Variants in ZNF318 observed in about 807,000 individuals in gnomAD.
ZNF318 encodes zinc finger protein 318, also known as endocrine regulator.
A neutral mutation model predicts 124.2 loss-of-function variants in ZNF318; 51 were observed. The ratio of observed to expected loss-of-function variants is 0.41; its 90% CI spans 0.33 to 0.52. ZNF318 has a LOEUF of 0.52. Among genes scored for constraint, ZNF318 ranks in the 20% least tolerant of loss-of-function variants. The probability of loss-of-function intolerance (pLI) is 0.23; values close to 1 mark genes in which losing one functional copy is unlikely to be tolerated. For missense variants in ZNF318, 2,815 were observed against 2,811.2 expected (o/e 1.00, Z -0.03); for synonymous variants, 1,090 against 1,040.7 (o/e 1.05, Z -0.91).
At chr6:43,350,823 T>G (rs1198024528) in intron 5 of ZNF318, among the ~76,000 whole-genome samples, 2 of 152,074 alleles carry the variant, frequency 1.3e-5, no homozygotes, top group African/African-American at 4.8e-5. Flanking sequence ...CAAAAAAAAT[T>G]TTTAAATAAC....
chr6:43,347,159 G>A (rs1203323037), intron 6 of ZNF318, among the ~76,000 whole-genome samples: 1 of 152,102 alleles, frequency 6.6e-6, no homozygotes, highest in African/African-American at 2.4e-5. Context: ...CGATTTGCAT[G>A]GTAAAGAAAG....
intron 2 of ZNF318, among the ~76,000 whole-genome samples, chr6:43,361,032 C>T (rs779886540): frequency 2.6e-5 from 4 of 151,952 alleles, no homozygotes; most frequent in Non-Finnish European, 4.4e-5. Flanking sequence ...TCTGAATATG[C>T]GAAAAATCAC....
In ZNF318 at chr6:43,354,745, G is replaced by C. The variant is rs754752522; in HGVS notation, c.2589C>G (p.Val863=). 2 of 1,614,128 alleles carry C rather than the reference G, an allele frequency of 1.2e-6. No individual in the cohort carries two copies. Among genetic ancestry groups the C allele is most frequent in the Non-Finnish European group, 1.7e-6 (2 of 1,180,018 alleles). ...RGSIPAAQVP[V]QVSIPSLIRY... ...TTATGAGTGATGGAATGGACACCTG[G>C]ACAGGCACTTGGGCCGCAGGAATTG... is the stretch of plus-strand genomic sequence containing the variant. The change falls in exon 4 of 10, where the codon GTC becomes GTG. Residue 863 remains valine, a synonymous_variant. Coordinates refer to ENST00000361428, the MANE Select transcript of ZNF318 (RefSeq NM_014345.3).
At chr6:43,341,843 A>T (rs1164083166) in intron 8 of ZNF318, among the ~76,000 whole-genome samples, 1 of 152,220 alleles carries the variant, frequency 6.6e-6, no homozygotes, top group African/African-American at 2.4e-5. Context: ...CCATAAGCCA[A>T]TGACAAAGAC....
At position 43,338,788 on chromosome 6, in the gene ZNF318, T is replaced by A. The variant is rs143947472; in HGVS notation, c.5210A>T (p.Asp1737Val). Residue 1737 changes from aspartate (D) to valine (V), a missense_variant, in exon 10 of 10, where the codon GAT (aspartate) becomes GTT (valine). By Grantham distance (152) the Asp-to-Val change is radical (BLOSUM62 -3). Around this residue, in one of 4 missense-constraint regions of ZNF318, gnomAD observed 927 missense variants for 820.6 expected, o/e 1.13. Transcript: ENST00000361428. ...PGVEPPPQLL[D>V]IQCKESQKLV... ...CTTCTGAGATTCTTTGCACTGTATATCTAACAGTTGAGGAGGTGGTTCTAC... is the reference window on the plus strand; with the variant it reads ...CTTCTGAGATTCTTTGCACTGTATAACTAACAGTTGAGGAGGTGGTTCTAC... 1.2e-5 allele frequency: 20 copies of A among 1,614,110 alleles called. No homozygotes were observed. Among genetic ancestry groups the A allele is most frequent in the Non-Finnish European group, 1.6e-5 (19 of 1,180,018 alleles).
chr6:43,355,895 A>G lies in ZNF318; in HGVS notation c.1439T>C (p.Leu480Ser), dbSNP rs1222942810. Residue 480 changes from leucine to serine, a missense_variant, in exon 4 of 10, where the codon TTG (leucine) becomes TCG (serine). Transcript: ENST00000361428. ...FGSFLCHKDN[L>S]DLKAEGPERH... Reference sequence around the variant, plus strand: ...CTCAGGTCCCTCAGCCTTCAAATCCAAATTATCCTTGTGGCATAGAAAACT... The same window carrying G: ...CTCAGGTCCCTCAGCCTTCAAATCCGAATTATCCTTGTGGCATAGAAAACT... The G allele has an allele frequency of 1.2e-6, 2 of 1,614,106 alleles. No individual in the cohort carries two copies. The highest frequency in any genetic ancestry group is 2.7e-5 in the African/African-American group (2 of 74,932).
In ZNF318 at chr6:43,346,236, A is replaced by G. The variant is rs183652379; in HGVS notation, c.3072+2088T>C. Among the ~76,000 whole-genome samples the G allele has an allele frequency of 4.7e-3, 702 of 149,920 alleles. 5 individuals are homozygous for G. Among genetic ancestry groups the G allele is most frequent in the African/African-American group, 0.016 (665 of 40,904 alleles). On this transcript the variant is annotated intron_variant, in intron 6 of 9. Coordinates refer to ENST00000361428, the MANE Select transcript of ZNF318 (RefSeq NM_014345.3). Reference sequence around the variant, plus strand: ...GCTGGGCAGGGTGGTTCACGCCTGTAATCCTAGCCCTTTGGGAGGCCGGAT... The same window carrying G: ...GCTGGGCAGGGTGGTTCACGCCTGTGATCCTAGCCCTTTGGGAGGCCGGAT...
At position 43,352,612 on chromosome 6, in the gene ZNF318, T is replaced by C. The variant is rs1383485108; in HGVS notation, c.2671-136A>G. 7.0e-6 allele frequency: 5 copies of C among 714,766 alleles called. No individual in the cohort carries two copies. The Admixed American group carries it at 8.1e-5, about 12-fold the overall frequency. The allele number at this position is 714,766 out of a possible 1,614,324, so 44.3% of individuals were successfully genotyped here. The stretch of plus-strand genomic sequence containing the variant: ...GCCTGCACACAGGCTCTGACCTTAC[T>C]GTCAAAGTAATATTTCGTTCTAAGT... On this transcript the variant is annotated intron_variant, in intron 4 of 9. Coordinates refer to ENST00000361428, the MANE Select transcript of ZNF318 (RefSeq NM_014345.3).
At position 43,355,007 on chromosome 6, in the gene ZNF318, G is replaced by A. The variant is rs138295718; in HGVS notation, c.2327C>T (p.Pro776Leu). 9.8e-4 allele frequency: 1,586 copies of A among 1,612,138 alleles called. 1 individual carries two copies. Among genetic ancestry groups the A allele is most frequent in the Non-Finnish European group, 1.2e-3 (1,385 of 1,178,890 alleles). Residue 776 changes from proline (P) to leucine (L), a missense_variant, in exon 4 of 10, where the codon CCG becomes CTG. Transcript: ENST00000361428. ...ASQFAAARIP[P>L]NYQGPAIPPA... is the part of the protein sequence containing the mutation. ...GGGAATGGCAGGTCCCTGGTAGTTC[G>A]GAGGTATCCGAGCTGCAGCAAACTG...
Position 43,348,444 on chromosome 6 carries a change from G to A in ZNF318, c.2952C>T (p.Ile984=), listed in dbSNP as rs748185425. The A allele has an allele frequency of 3.7e-6, 6 of 1,614,122 alleles. No homozygotes were observed. The Admixed American group carries it at 1.0e-4, about 27-fold the overall frequency. Reference sequence around the variant, plus strand: ...TTAAAGACTTCTGGGATTTATCGAAGATGTTAATTCCCAAGATCTGAGCCA... The same window carrying A: ...TTAAAGACTTCTGGGATTTATCGAAAATGTTAATTCCCAAGATCTGAGCCA... ...DKVAQILGIN[I]FDKSQKSLSD... is the part of the protein sequence containing the mutation. Residue 984 remains isoleucine, a synonymous_variant, in exon 6 of 10, where the codon ATC becomes ATT. Transcript: ENST00000361428.
rs1416145784 is a variant in ZNF318, at chr6:43,339,763, C to A, written c.4235G>T (p.Gly1412Val). ...PPDIISKAFG[G>V]EEVILKGSPE... ...AGACCCTTTTAGAATCACCTCTTCC[C>A]CTCCAAATGCTTTGGAGATGATGTC... The change falls in exon 10 of 10, where the codon GGG becomes GTG. Residue 1412 changes from glycine (G) to valine (V), a missense_variant. By Grantham distance (109) the Gly-to-Val change is moderately radical. Coordinates refer to ENST00000361428, the MANE Select transcript of ZNF318 (RefSeq NM_014345.3). This position sits in a 1 kb window ranked among gnomAD's most constrained non-coding sequence, Gnocchi z 4.2. 1 of 1,614,044 alleles carries A rather than the reference C, an allele frequency of 6.2e-7. No individual in the cohort carries two copies. Among genetic ancestry groups the A allele is most frequent in the Non-Finnish European group, 8.5e-7 (1 of 1,180,024 alleles).
chr6:43,357,421 T>C lies in ZNF318; in HGVS notation c.893A>G (p.Asn298Ser), dbSNP rs771358532. 4.3e-6 allele frequency: 7 copies of C among 1,614,050 alleles called. No individual in the cohort carries two copies. In the East Asian group the frequency reaches 1.6e-4, roughly 36 times the overall value. Residue 298 changes from asparagine (N) to serine (S), a missense_variant, in exon 3 of 10, where the codon AAC becomes AGC. Coordinates refer to ENST00000361428, the MANE Select transcript of ZNF318 (RefSeq NM_014345.3). ...TGGGCTTCTTCTACGCTGTCGATAGTTGCGAGTTCCTGATGTAAAACTTGG... is the reference window on the plus strand; with the variant it reads ...TGGGCTTCTTCTACGCTGTCGATAGCTGCGAGTTCCTGATGTAAAACTTGG... Reference protein sequence around the residue: ...DHPSFTSGTRNYRQRRRSPSP... With the variant: ...DHPSFTSGTRSYRQRRRSPSP...
At position 43,355,904 on chromosome 6, in the gene ZNF318, T is replaced by C. The variant is rs758664654; in HGVS notation, c.1430A>G (p.Lys477Arg). 10 of 1,614,222 alleles carry C rather than the reference T, an allele frequency of 6.2e-6. No individual in the cohort carries two copies. In the Admixed American group the frequency reaches 8.3e-5, roughly 13 times the overall value. ...REKFGSFLCH[K>R]DNLDLKAEGP... ...CTCAGCCTTCAAATCCAAATTATCCTTGTGGCATAGAAAACTTCCAAATTT... is the reference window on the plus strand; with the variant it reads ...CTCAGCCTTCAAATCCAAATTATCCCTGTGGCATAGAAAACTTCCAAATTT... The change falls in exon 4 of 10, where the codon AAG (lysine) becomes AGG (arginine). Residue 477 changes from lysine (K) to arginine (R), a missense_variant. Around this residue, in one of 4 missense-constraint regions of ZNF318, gnomAD observed 1,377 missense variants for 1,353.5 expected, o/e 1.02. Coordinates refer to ENST00000361428, the MANE Select transcript of ZNF318 (RefSeq NM_014345.3).
Position 43,338,887 on chromosome 6 carries a change from A to T in ZNF318, c.5111T>A (p.Phe1704Tyr), listed in dbSNP as rs149020638. Residue 1704 changes from phenylalanine to tyrosine, a missense_variant, in exon 10 of 10, where the codon TTC becomes TAC. Transcript: ENST00000361428. ...DTLAIWTSSS[F>Y]QSDTSRDISP... ...TATATCCCTACTAGTGTCACTCTGG[A>T]AGGAACTAGAGGTCCATATGGCCAA... The T allele has an allele frequency of 4.4e-5, 71 of 1,614,122 alleles. 1 individual carries two copies. In the Middle Eastern group the frequency reaches 1.2e-3, roughly 26 times the overall value.
rs746483950 is a variant in ZNF318 at position 43,369,005 on chromosome 6, C to T, written c.361G>A (p.Asp121Asn). Reference protein sequence around the residue: ...RGESRADYARDGRGDHPGDSG... With the variant: ...RGESRADYARNGRGDHPGDSG... ...TCGCCTGGATGGTCTCCGCGGCCGTCCCGGGCATAGTCGGCGCGGGACTCC... is the reference window on the plus strand; with the variant it reads ...TCGCCTGGATGGTCTCCGCGGCCGTTCCGGGCATAGTCGGCGCGGGACTCC... The change falls in exon 1 of 10, where the codon GAC becomes AAC. Residue 121 changes from aspartate (D) to asparagine (N), a missense_variant. Coordinates refer to ENST00000361428, the MANE Select transcript of ZNF318 (RefSeq NM_014345.3). The T allele has an allele frequency of 1.0e-5, 15 of 1,435,922 alleles. 1 individual carries two copies. The South Asian group carries it at 2.0e-4, about 19-fold the overall frequency. 88.9% of individuals were successfully genotyped at this position (1,435,922 alleles called of 1,614,324 possible).
Position 43,357,756 on chromosome 6 carries a change from C to G in ZNF318, c.558G>C (p.Leu186=). The G allele has an allele frequency of 6.3e-7, 1 of 1,588,618 alleles. No homozygotes were observed. The highest frequency in any genetic ancestry group is 1.8e-5 in the Admixed American group (1 of 56,048). The change falls in exon 3 of 10, where the codon CTG becomes CTC. Residue 186 remains leucine (L), a synonymous_variant. Coordinates refer to ENST00000361428, the MANE Select transcript of ZNF318 (RefSeq NM_014345.3). The part of the protein sequence containing the change: ...DNLEDMDRDD[L]TDDSVFTRSS... Reference sequence around the variant, plus strand: ...TTCGAGTGAAGACAGAATCATCAGTCAGGTCATCCCTGAGGAAAAAGAGAA... The same window carrying G: ...TTCGAGTGAAGACAGAATCATCAGTGAGGTCATCCCTGAGGAAAAAGAGAA...
rs756561005 is a variant in ZNF318 at position 43,338,514 on chromosome 6, C to G, written c.5484G>C (p.Leu1828Phe). The G allele has an allele frequency of 6.2e-7, 1 of 1,614,204 alleles. No individual in the cohort carries two copies. Among genetic ancestry groups the G allele is most frequent in the Non-Finnish European group, 8.5e-7 (1 of 1,180,038 alleles). The change falls in exon 10 of 10, where the codon TTG becomes TTC. Residue 1828 changes from leucine (L) to phenylalanine (F), a missense_variant. Physicochemically the swap from Leu to Phe is conservative, Grantham distance 22. This residue lies in a region of ZNF318 where 927 missense variants were observed against 820.6 expected (regional missense o/e 1.13). Coordinates refer to ENST00000361428, the MANE Select transcript of ZNF318 (RefSeq NM_014345.3). ...MWEGEVKQPNLLMIDKEAEQS... is the reference protein window; with the variant it reads ...MWEGEVKQPNFLMIDKEAEQS... ...GTTCAGCCTCTTTGTCAATCATTAG[C>G]AAGTTGGGCTGTTTTACTTCTCCCT...
chr6:43,359,348 T>C (rs1257730196), intron 2 of ZNF318, among the ~76,000 whole-genome samples: 6 of 152,192 alleles, frequency 3.9e-5, no homozygotes, highest in Non-Finnish European at 5.9e-5. Flanking sequence ...AGCTATTCTT[T>C]TAGCTGAGAA....
chr6:43,352,633 T>G (rs1280923090), intron 4 of ZNF318, among the ~76,000 whole-genome samples, 157 bp from the exon 5 acceptor site: 2 of 152,378 alleles, frequency 1.3e-5, no homozygotes, highest in East Asian at 3.9e-4. Flanking sequence ...TATTTCGTTC[T>G]AAGTTCCAGA....
Sources: gnomAD v4.1 joint callset for allele counts (sites outside exome capture counted in the v4.1 genomes callset) on GRCh38, gnomAD v4.1.1 for gene constraint, gnomAD v4.1.1 regional missense constraint, Gnocchi (gnomAD v3.1) non-coding constraint, MANE v1.5 for transcripts, NCBI Gene and HGNC (gene_info 2026-07-23, HGNC 2026-07-21) for gene names.